Variants in MAP4K3 observed in about 807,000 individuals in gnomAD.
The protein encoded by MAP4K3 is mitogen-activated protein kinase kinase kinase kinase 3.
Under a neutral mutation model 143.5 loss-of-function variants are expected in MAP4K3, and 94 were observed. The observed-to-expected ratio is 0.65, with a 90% CI of 0.55 to 0.78. The LOEUF (loss-of-function observed/expected upper bound fraction) is 0.78. Ranked by LOEUF, MAP4K3 falls within the 30% of genes least tolerant of loss-of-function variation. The pLI, the probability that MAP4K3 is intolerant of heterozygous loss-of-function variation, is 0.00. For missense variants in MAP4K3, 1,077 were observed against 1,068.1 expected (o/e 1.01, Z -0.12); for synonymous variants, 416 against 347.2 (o/e 1.20, Z -2.20).
In MAP4K3 at chr2:39,436,860, C is replaced by T. The variant is rs960001321; in HGVS notation, c.96+32G>A. 6.4e-6 allele frequency: 10 copies of T among 1,561,670 alleles called. No homozygotes were observed. In the East Asian group the frequency reaches 2.2e-4, roughly 34 times the overall value. On this transcript the variant is annotated intron_variant, in intron 1 of 33. Coordinates refer to ENST00000263881, the MANE Select transcript of MAP4K3 (RefSeq NM_003618.4). Reference sequence around the variant, plus strand: ...GGCTTGGCTGCGGGTCGGGATCCCACGGCCTCGGCGGCGCGCGGCCCCTGC... The same window carrying T: ...GGCTTGGCTGCGGGTCGGGATCCCATGGCCTCGGCGGCGCGCGGCCCCTGC...
At chr2:39,391,358 CAAAAA>C (rs755777714) in intron 1 of MAP4K3, among the ~76,000 whole-genome samples, 9 of 45,432 alleles carry the variant, frequency 2.0e-4, no homozygotes, top group Admixed American at 4.2e-4. Context: ...GACTCCATCT[CAAAAA>C]AAAAAAAAAA....
chr2:39,322,338 G>A (rs926632360), intron 12 of MAP4K3, among the ~76,000 whole-genome samples: 2 of 151,980 alleles, frequency 1.3e-5, no homozygotes, highest in Non-Finnish European at 2.9e-5. Flanking sequence ...TTACCTTCCC[G>A]GCTTAAACAG....
chr2:39,308,332 C>A (rs934255312), intron 14 of MAP4K3, among the ~76,000 whole-genome samples: 15 of 152,260 alleles, frequency 9.9e-5, no homozygotes, highest in Non-Finnish European at 1.6e-4. Context: ...TTCTCCACCC[C>A]TCTTCATAAA....
At chr2:39,385,628 G>T (rs1666483875) in intron 1 of MAP4K3, among the ~76,000 whole-genome samples, 2 of 128,200 alleles carry the variant, frequency 1.6e-5, no homozygotes, top group South Asian at 5.0e-4. Context: ...TATATGATTT[G>T]CAATTTTTTT....
intron 2 of MAP4K3, among the ~76,000 whole-genome samples, chr2:39,361,534 GA>G (rs1665770881): frequency 6.6e-6 from 1 of 150,968 alleles, no homozygotes; most frequent in African/African-American, 2.4e-5. Flanking sequence ...ACAAACACTT[GA>G]AAAAAAGGCA....
chr2:39,331,960 C>T lies in MAP4K3; in HGVS notation c.487G>A (p.Ala163Thr). The change falls in exon 8 of 34, where the codon GCT (alanine) becomes ACT (threonine). Residue 163 changes from alanine to threonine, a missense_variant. Around this residue, in one of 2 missense-constraint regions of MAP4K3, gnomAD observed 213 missense variants for 266.8 expected, o/e 0.80. Coordinates refer to ENST00000263881, the MANE Select transcript of MAP4K3 (RefSeq NM_003618.4). ...ADFGVSAQIT[A>T]TIAKRKSFIG... The stretch of plus-strand genomic sequence containing the variant: ...AAAGACTTCCGTTTGGCAATTGTAG[C>T]TGTTATCTGTGCAGATACTCCAAAA... 1.3e-6 allele frequency: 2 copies of T among 1,574,574 alleles called. No homozygotes were observed. The highest frequency in any genetic ancestry group is 1.7e-6 in the Non-Finnish European group (2 of 1,154,414).
chr2:39,336,890 G>A (rs1253363877), intron 6 of MAP4K3, 30 bp downstream of exon 6: 4 of 950,312 alleles, frequency 4.2e-6, no homozygotes, highest in African/African-American at 1.7e-5. Context: ...AATGAAGAGA[G>A]GGTTATTATG....
chr2:39,413,824 T>A lies in MAP4K3; in HGVS notation c.96+23068A>T, dbSNP rs571002674. On this transcript the variant is annotated intron_variant, in intron 1 of 33. Coordinates refer to ENST00000263881, the MANE Select transcript of MAP4K3 (RefSeq NM_003618.4). ...AGAACCTCTTAAGTGAAGCTCTGCT[T>A]TGGATCATTTTGTCACTCAAGAGGG... Among the ~76,000 whole-genome samples the A allele has an allele frequency of 3.9e-5, 6 of 152,006 alleles. No individual in the cohort carries two copies. The East Asian group carries it at 1.2e-3, about 29-fold the overall frequency.
chr2:39,337,334 CA>C (rs1664997469), intron 5 of MAP4K3, among the ~76,000 whole-genome samples, 191 bp downstream of exon 5: 2 of 152,062 alleles, frequency 1.3e-5, no homozygotes, highest in Admixed American at 6.6e-5. Context: ...TATATCATCA[CA>C]TTTATGCTTT....
chr2:39,358,042 G>C (rs1665660198), intron 2 of MAP4K3, among the ~76,000 whole-genome samples: 1 of 152,178 alleles, frequency 6.6e-6, no homozygotes, highest in Non-Finnish European at 1.5e-5. Flanking sequence ...GGAAAGCATT[G>C]AGGAGAAACA....
At chr2:39,306,378 C>T (rs559090014) in intron 15 of MAP4K3, among the ~76,000 whole-genome samples, 133 of 152,352 alleles carry the variant, frequency 8.7e-4, no homozygotes, top group South Asian at 1.9e-3. Flanking sequence ...TCCCAATCCT[C>T]ACACATTCTG....
intron 1 of MAP4K3, among the ~76,000 whole-genome samples, chr2:39,422,705 T>C (rs544163591): frequency 1.1e-4 from 16 of 152,324 alleles, no homozygotes; most frequent in East Asian, 1.9e-4. Flanking sequence ...CAACTGTACA[T>C]TGACGTGCAA....
At chr2:39,343,494 A>C in intron 3 of MAP4K3, 42 bp from the exon 4 acceptor site, 1 of 1,529,820 alleles carries the variant, frequency 6.5e-7, no homozygotes, top group Non-Finnish European at 9.0e-7. Context: ...TTCATGATTA[A>C]AACTGTCTGT....
rs377630237 is a variant in MAP4K3 at position 39,282,466 on chromosome 2, C to A, written c.1629+47G>T. The A allele has an allele frequency of 1.5e-5, 23 of 1,485,698 alleles. No homozygotes were observed. The African/African-American group carries it at 2.8e-4, about 18-fold the overall frequency. 92.0% of individuals were successfully genotyped at this position (1,485,698 alleles called of 1,614,324 possible). On this transcript the variant is annotated intron_variant, in intron 22 of 33. Coordinates refer to ENST00000263881, the MANE Select transcript of MAP4K3 (RefSeq NM_003618.4). ...AAAACCTAAGCAAAGATAACACACACAAGTGACTTAGCTTGAAACTTAGCC... is the reference window on the plus strand; with the variant it reads ...AAAACCTAAGCAAAGATAACACACAAAAGTGACTTAGCTTGAAACTTAGCC...
chr2:39,317,167 C>A (rs1186267335), intron 12 of MAP4K3, among the ~76,000 whole-genome samples: 1 of 151,908 alleles, frequency 6.6e-6, no homozygotes, highest in Non-Finnish European at 1.5e-5. Flanking sequence ...GGGGAGAGAA[C>A]GCCCCATTCA....
chr2:39,414,604 G>A lies in MAP4K3; in HGVS notation c.96+22288C>T, dbSNP rs149829413. On this transcript the variant is annotated intron_variant, in intron 1 of 33. Transcript: ENST00000263881. The stretch of plus-strand genomic sequence containing the variant: ...GTATGTACCAACCTAGGCCGGGTGC[G>A]GTGGCTCACGCCTGTAATCACAGCA... 4.0e-3 allele frequency among the ~76,000 whole-genome samples: 614 copies of A among 152,166 alleles called. 6 individuals are homozygous for A. The highest frequency in any genetic ancestry group is 7.3e-3 in the Non-Finnish European group (495 of 68,000).
At chr2:39,284,655 C>T (rs1285181927) in intron 21 of MAP4K3, among the ~76,000 whole-genome samples, 1 of 151,658 alleles carries the variant, frequency 6.6e-6, no homozygotes, top group African/African-American at 2.4e-5. Context: ...ACCAGCCTGA[C>T]CAACATGGTG....
chr2:39,346,430 A>C (rs1665294911), intron 3 of MAP4K3, among the ~76,000 whole-genome samples: 1 of 152,248 alleles, frequency 6.6e-6, no homozygotes. Flanking sequence ...ACTTAAAAAA[A>C]AATAGTAGTT....
rs535823146 is a variant in MAP4K3, at chr2:39,372,484, A to C, written c.154+5582T>G. ...CAGAAGACCTAAAATAGCCAAAGCT[A>C]TCCTAAGGAAAAAAAAAAAAAGAAA... On this transcript the variant is annotated intron_variant, in intron 2 of 33. Transcript: ENST00000263881. 5.9e-5 allele frequency among the ~76,000 whole-genome samples: 9 copies of C among 151,696 alleles called. No homozygotes were observed. The South Asian group carries it at 1.7e-3, about 28-fold the overall frequency.
Sources: gnomAD v4.1 joint callset for allele counts (sites outside exome capture counted in the v4.1 genomes callset) on GRCh38, gnomAD v4.1.1 for gene constraint, gnomAD v4.1.1 regional missense constraint, MANE v1.5 for transcripts, NCBI Gene and HGNC (gene_info 2026-07-23, HGNC 2026-07-21) for gene names.